Variants in TBC1D25 observed in about 807,000 individuals in gnomAD.
TBC1D25 encodes 5SN3 snoRNA.
A neutral mutation model predicts 38.8 loss-of-function variants in TBC1D25; 13 were observed. The ratio of observed to expected loss-of-function variants is 0.34; its 90% CI spans 0.22 to 0.53. The LOEUF is 0.53. Among genes scored for constraint, TBC1D25 ranks in the 20% least tolerant of loss-of-function variants. The pLI, the probability that TBC1D25 is intolerant of heterozygous loss-of-function variation, is 0.94. For missense variants in TBC1D25, 372 were observed against 600.0 expected, an observed-to-expected ratio of 0.62 and a Z score of 3.97; for synonymous variants, 225 against 255.6, an observed-to-expected ratio of 0.88 and a Z score of 1.14.
intron 3 of TBC1D25, among the ~76,000 whole-genome samples, chrX:48,545,233 A>C (rs188265049): frequency 1.8e-5 from 2 of 112,054 alleles, no homozygotes; most frequent in East Asian, 5.6e-4. Flanking sequence ...TCTTAGAACC[A>C]TTGTGAGGGG....
At chrX:48,540,047 C>T (rs1313251343) in intron 1 of TBC1D25, 127 bp downstream of exon 1, 1 of 873,214 alleles carries the variant, frequency 1.1e-6, no homozygotes, top group Non-Finnish European at 1.4e-6. Flanking sequence ...GCTTGAGGGC[C>T]AAGTGATGAT....
rs905111666 is a variant in TBC1D25 at position 48,544,907 on chromosome X, G to A, written c.272G>A (p.Arg91Gln). 32 of 1,210,220 alleles carry A rather than the reference G, an allele frequency of 2.6e-5. No homozygotes were observed. The highest frequency in any genetic ancestry group is 3.5e-5 in the African/African-American group (2 of 57,255). ...NFGISYLGRD[R>Q]LGQEVYLSLL... ...GGCATCAGCTACCTGGGCCGGGACCGGCTAGGACAGGAAGTTTACCTCTCA... is the reference window on the plus strand; with the variant it reads ...GGCATCAGCTACCTGGGCCGGGACCAGCTAGGACAGGAAGTTTACCTCTCA... Residue 91 changes from arginine (R) to glutamine (Q), a missense_variant, in exon 3 of 6, where the codon CGG becomes CAG. Physicochemically the swap from Arg to Gln is conservative, Grantham distance 43. Coordinates refer to ENST00000376771, the MANE Select transcript of TBC1D25 (RefSeq NM_002536.4).
intron 3 of TBC1D25, among the ~76,000 whole-genome samples, chrX:48,546,742 G>A (rs1471303657): frequency 1.8e-5 from 2 of 111,554 alleles, no homozygotes; most frequent in East Asian, 5.6e-4. Context: ...ACACAGTTAA[G>A]TATGAAGGGG....
chrX:48,558,414 C>G (rs2061993805), intron 3 of TBC1D25, among the ~76,000 whole-genome samples: 2 of 111,692 alleles, frequency 1.8e-5, no homozygotes. Context: ...CTCTTTCACT[C>G]ACTAGCTAAG....
rs369160102 is a variant in TBC1D25 at position 48,559,769 on chromosome X, G to A, written c.861G>A (p.Thr287=). The A allele has an allele frequency of 1.7e-5, 20 of 1,210,302 alleles. No homozygotes were observed. The highest frequency in any genetic ancestry group is 4.6e-4 in the Middle Eastern group (2 of 4,355). The change falls in exon 6 of 6, where the codon ACG becomes ACA. Residue 287 remains threonine (T), a synonymous_variant. Coordinates refer to ENST00000376771, the MANE Select transcript of TBC1D25 (RefSeq NM_002536.4). Reference sequence around the variant, plus strand: ...AGGACCTGGAATTCATCCGCAGCACGGTCCTCAAGGATGTACTGCGCACTG... The same window carrying A: ...AGGACCTGGAATTCATCCGCAGCACAGTCCTCAAGGATGTACTGCGCACTG... ...NPEDLEFIRS[T]VLKDVLRTDR... is the part of the protein sequence containing the mutation.
intron 3 of TBC1D25, 103 bp downstream of exon 3, chrX:48,545,126 A>T: frequency 3.9e-6 from 4 of 1,020,468 alleles, no homozygotes; most frequent in South Asian, 4.8e-5. Context: ...ATGGGTAGCA[A>T]GGTATCCTAG....
intron 1 of TBC1D25, among the ~76,000 whole-genome samples, chrX:48,540,412 A>G (rs1260276687): frequency 1.8e-5 from 2 of 112,367 alleles, no homozygotes; most frequent in African/African-American, 3.2e-5. Context: ...ACGTTAGCCA[A>G]GGTTGTACAG....
chrX:48,559,553 T>C, intron 5 of TBC1D25, 61 bp from the exon 6 acceptor site: 3 of 1,169,682 alleles, frequency 2.6e-6, no homozygotes, highest in Non-Finnish European at 3.4e-6. Flanking sequence ...TGGCAACTGA[T>C]AGACATTGGG....
intron 2 of TBC1D25, among the ~76,000 whole-genome samples, chrX:48,542,997 C>T (rs1415391247): frequency 1.8e-5 from 2 of 111,091 alleles, no homozygotes; most frequent in African/African-American, 6.6e-5. Context: ...CATAATTGTT[C>T]TATTATTGTT....
At chrX:48,554,901 A>T (rs1299838231) in intron 3 of TBC1D25, among the ~76,000 whole-genome samples, 1 of 111,857 alleles carries the variant, frequency 8.9e-6, no homozygotes, top group Non-Finnish European at 1.9e-5. Context: ...TAAGTGTTTT[A>T]ATGCTCTGAT....
chrX:48,560,505 C>T lies in TBC1D25; in HGVS notation c.1597C>T (p.Leu533Phe), dbSNP rs1556985940. ...PLVQLPHPAA[L>F]ISSKSLSEPL... ...GGTCCAGCTGCCCCACCCAGCTGCC[C>T]TTATCAGCTCCAAGTCCCTCTCTGA... is the stretch of plus-strand genomic sequence containing the variant. Residue 533 changes from leucine to phenylalanine, a missense_variant, in exon 6 of 6, where the codon CTT becomes TTT. By Grantham distance (22) the Leu-to-Phe change is conservative. This residue lies in a region of TBC1D25 where 312 missense variants were observed against 549.3 expected (regional missense o/e 0.57). Coordinates refer to ENST00000376771, the MANE Select transcript of TBC1D25 (RefSeq NM_002536.4). 2 of 1,209,021 alleles carry T rather than the reference C, an allele frequency of 1.7e-6. No individual in the cohort carries two copies. Among genetic ancestry groups the T allele is most frequent in the Admixed American group, 4.4e-5 (2 of 45,694 alleles).
Position 48,559,787 on chromosome X carries a change from G to A in TBC1D25, c.879G>A (p.Leu293=). The A allele has an allele frequency of 8.3e-7, 1 of 1,212,005 alleles. No homozygotes were observed. The highest frequency in any genetic ancestry group is 1.1e-6 in the Non-Finnish European group (1 of 895,546). ...FIRSTVLKDV[L]RTDRAHPYYA... ...GCAGCACGGTCCTCAAGGATGTACT[G>A]CGCACTGACCGGGCCCACCCCTACT... The change falls in exon 6 of 6, where the codon CTG becomes CTA. Residue 293 remains leucine (L), a synonymous_variant. Transcript: ENST00000376771.
rs41307344 is a variant in TBC1D25, at chrX:48,560,812, G to A, written c.1904G>A (p.Arg635His). Residue 635 changes from arginine to histidine, a missense_variant, in exon 6 of 6, where the codon CGC (arginine) becomes CAC (histidine). Physicochemically the swap from Arg to His is conservative, Grantham distance 29. Around this residue, in one of 2 missense-constraint regions of TBC1D25, gnomAD observed 312 missense variants for 549.3 expected, o/e 0.57. Coordinates refer to ENST00000376771, the MANE Select transcript of TBC1D25 (RefSeq NM_002536.4). ...ILLEHRDHIMRNGLDYNELAM... is the reference protein window; with the variant it reads ...ILLEHRDHIMHNGLDYNELAM... Reference sequence around the variant, plus strand: ...CTGGAGCACCGCGACCACATCATGCGCAATGGGCTGGATTATAATGAGCTG... The same window carrying A: ...CTGGAGCACCGCGACCACATCATGCACAATGGGCTGGATTATAATGAGCTG... The A allele has an allele frequency of 0.011, 13,812 of 1,211,273 alleles. 66 individuals carry two copies. Among genetic ancestry groups the A allele is most frequent in the Non-Finnish European group, 0.013 (11,447 of 895,446 alleles).
rs782620956 is a variant in TBC1D25, at chrX:48,558,051, C to T, written c.389-846C>T. ...ACTTGAAACCAGGAGGCAGAGTTTG[C>T]AGTGAGCTACGTTCACACCACTGCA... is the stretch of plus-strand genomic sequence containing the variant. On this transcript the variant is annotated intron_variant, in intron 3 of 5. Coordinates refer to ENST00000376771, the MANE Select transcript of TBC1D25 (RefSeq NM_002536.4). Among the ~76,000 whole-genome samples the T allele has an allele frequency of 2.1e-3, 217 of 103,161 alleles. 1 individual carries two copies. Among genetic ancestry groups the T allele is most frequent in the African/African-American group, 7.1e-3 (190 of 26,931 alleles). The allele number at this position is 103,161 out of a possible 115,157, so 89.6% of individuals were successfully genotyped here. A position where few individuals can be genotyped will look rare whatever the true frequency, so the allele number is the denominator to read the frequency against.
At chrX:48,550,279 G>A (rs1259378765) in intron 3 of TBC1D25, among the ~76,000 whole-genome samples, 7 of 111,750 alleles carry the variant, frequency 6.3e-5, no homozygotes, top group Admixed American at 3.8e-4. Flanking sequence ...GAGCCACTGC[G>A]CCCGGCCTGC....
rs1471667264 is a variant in TBC1D25, at chrX:48,560,303, G to A, written c.1395G>A (p.Val465=). The A allele has an allele frequency of 6.6e-6, 8 of 1,209,847 alleles. No homozygotes were observed. The highest frequency in any genetic ancestry group is 8.9e-6 in the Non-Finnish European group (8 of 895,188). The change falls in exon 6 of 6, where the codon GTG becomes GTA. Residue 465 remains valine, a synonymous_variant. Transcript: ENST00000376771. ...AGFGGHRGWP[V]RQRHMLRPAG... is the part of the protein sequence containing the mutation. ...TTGGTGGCCACAGGGGGTGGCCCGTGCGACAGAGGCACATGCTGAGGCCTG... is the reference window on the plus strand; with the variant it reads ...TTGGTGGCCACAGGGGGTGGCCCGTACGACAGAGGCACATGCTGAGGCCTG...
chrX:48,559,357 T>C lies in TBC1D25; in HGVS notation c.705+11T>C. On this transcript the variant is annotated intron_variant, in intron 5 of 5. Coordinates refer to ENST00000376771, the MANE Select transcript of TBC1D25 (RefSeq NM_002536.4). Reference sequence around the variant, plus strand: ...CCCTCGCTGCGAAAGGTGAGCATCCTCAGTCATCTGTTGGGTCCATCACTG... The same window carrying C: ...CCCTCGCTGCGAAAGGTGAGCATCCCCAGTCATCTGTTGGGTCCATCACTG... The C allele has an allele frequency of 8.3e-7, 1 of 1,201,845 alleles. No individual in the cohort carries two copies. The highest frequency in any genetic ancestry group is 1.8e-5 in the South Asian group (1 of 55,176).
At chrX:48,548,421 C>A (rs2061904176) in intron 3 of TBC1D25, among the ~76,000 whole-genome samples, 1 of 111,428 alleles carries the variant, frequency 9.0e-6, no homozygotes, top group African/African-American at 3.3e-5. Flanking sequence ...CAGCCTTAAT[C>A]ATTATAGTTT....
chrX:48,544,927 C>T lies in TBC1D25; in HGVS notation c.292C>T (p.Leu98Phe), dbSNP rs1290787764. ...GRDRLGQEVY[L>F]SLLSDWDLST... ...GGACCGGCTAGGACAGGAAGTTTAC[C>T]TCTCACTTCTATCTGACTGGGACCT... Residue 98 changes from leucine to phenylalanine, a missense_variant, in exon 3 of 6, where the codon CTC (leucine) becomes TTC (phenylalanine). By Grantham distance (22) the Leu-to-Phe change is conservative. Around this residue, in one of 2 missense-constraint regions of TBC1D25, gnomAD observed 312 missense variants for 549.3 expected, o/e 0.57. Coordinates refer to ENST00000376771, the MANE Select transcript of TBC1D25 (RefSeq NM_002536.4). 8.3e-7 allele frequency: 1 copy of T among 1,211,939 alleles called. No individual in the cohort carries two copies. The highest frequency in any genetic ancestry group is 1.1e-6 in the Non-Finnish European group (1 of 895,541).
Sources: allele counts gnomAD v4.1 joint callset (sites outside exome capture counted in the v4.1 genomes callset), GRCh38; gene constraint gnomAD v4.1.1; regional missense constraint gnomAD v4.1.1; transcripts MANE v1.5; gene names NCBI Gene and HGNC (gene_info 2026-07-23, HGNC 2026-07-21).